C8B: variants seen among roughly 807,000 people sequenced by gnomAD.
The protein encoded by C8B is complement component C8 beta chain.
Under a neutral mutation model 64.6 loss-of-function variants are expected in C8B, and 67 were observed. The observed-to-expected ratio is 1.04, with a 90% CI of 0.85 to 1.27. The LOEUF (loss-of-function observed/expected upper bound fraction) is 1.27. Ranked by LOEUF, C8B falls within the 50% of genes most tolerant of loss-of-function variation. C8B has a pLI of 0.00. For missense variants in C8B, 790 were observed against 725.2 expected (o/e 1.09, Z -1.03); for synonymous variants, 284 against 257.7 (o/e 1.10, Z -0.98).
chr1:56,964,485 C>T (rs1363807954), intron 1 of C8B, among the ~76,000 whole-genome samples: 1 of 152,192 alleles, frequency 6.6e-6, no homozygotes, highest in Admixed American at 6.5e-5. Flanking sequence ...AGCCAGCTCT[C>T]TCACACTCAC....
rs114222929 is a variant in C8B at position 56,952,668 on chromosome 1, G to A, written c.534-488C>T. ...GTTGGGTAGCATAATAGATAAGTGC[G>A]TGGACTTTGGAGCCAGACGTCTGAG... On this transcript the variant is annotated intron_variant, in intron 4 of 11. Transcript: ENST00000371237. Among the ~76,000 whole-genome samples the A allele has an allele frequency of 1.5e-3, 236 of 152,262 alleles. 1 individual carries two copies. Among genetic ancestry groups the A allele is most frequent in the African/African-American group, 5.0e-3 (207 of 41,536 alleles).
chr1:56,955,370 T>C (rs1645087416), intron 3 of C8B, among the ~76,000 whole-genome samples: 1 of 152,196 alleles, frequency 6.6e-6, no homozygotes, highest in Non-Finnish European at 1.5e-5. Context: ...AATCACAAAT[T>C]CTTCCCACTA....
chr1:56,954,577 A>G (rs1203547850), intron 4 of C8B, 109 bp downstream of exon 4: 1 of 1,441,268 alleles, frequency 6.9e-7, no homozygotes, highest in Non-Finnish European at 9.7e-7. Flanking sequence ...CTTTTCTCAG[A>G]AAGGTGAGTG....
rs559352945 is a variant in C8B at position 56,959,881 on chromosome 1, G to A, written c.249+139C>T. 7.2e-4 allele frequency: 688 copies of A among 953,090 alleles called. 2 individuals are homozygous for A. In the African/African-American group the frequency reaches 0.01, roughly 14 times the overall value. The allele number at this position is 953,090 out of a possible 1,614,324, so 59.0% of individuals were successfully genotyped here. On this transcript the variant is annotated intron_variant, in intron 2 of 11. Coordinates refer to ENST00000371237, the MANE Select transcript of C8B (RefSeq NM_000066.4). ...TTATTGCTGCTTGGAAGCACAGAAG[G>A]AAAGGATGCATTTATTAAGTTAGCC...
chr1:56,956,973 A>G, intron 2 of C8B, 63 bp from the exon 3 acceptor site: 10 of 1,589,326 alleles, frequency 6.3e-6, no homozygotes, highest in Non-Finnish European at 8.6e-6. Context: ...GCTGAGGGAT[A>G]CTCTGTGTAA....
At position 56,963,868 on chromosome 1, in the gene C8B, T is replaced by C; in HGVS notation, c.92+1989A>G. On this transcript the variant is annotated intron_variant, in intron 1 of 11. Coordinates refer to ENST00000371237, the MANE Select transcript of C8B (RefSeq NM_000066.4). ...TTACGACACAGTGATTGTGATTTCA[T>C]CATCTGACTTGATTACAAGAGTAAG... 2.0e-6 allele frequency: 2 copies of C among 985,418 alleles called. 1 individual carries two copies. 61.0% of individuals were successfully genotyped at this position (985,418 alleles called of 1,614,324 possible).
At chr1:56,957,039 A>AT in intron 2 of C8B, 129 bp from the exon 3 acceptor site, 1 of 941,600 alleles carries the variant, frequency 1.1e-6, no homozygotes. Flanking sequence ...TCTGATCATC[A>AT]TTCCCCCAGC....
At chr1:56,958,863 C>T (rs1645137858) in intron 2 of C8B, among the ~76,000 whole-genome samples, 1 of 152,236 alleles carries the variant, frequency 6.6e-6, no homozygotes, top group African/African-American at 2.4e-5. Context: ...GGCTTACTTC[C>T]ACAGCCTCTT....
At chr1:56,962,810 T>C (rs1323680278) in intron 1 of C8B, among the ~76,000 whole-genome samples, 1 of 152,258 alleles carries the variant, frequency 6.6e-6, no homozygotes, top group African/African-American at 2.4e-5. Context: ...TTTTAGATAA[T>C]TTGATGTCTA....
chr1:56,934,014 A>G (rs1446220965), intron 9 of C8B, among the ~76,000 whole-genome samples: 2 of 152,330 alleles, frequency 1.3e-5, no homozygotes, highest in East Asian at 3.9e-4. Flanking sequence ...AGTCACTATC[A>G]GGAACCTTCC....
chr1:56,932,319 C>T (rs1644713661), intron 10 of C8B, among the ~76,000 whole-genome samples: 1 of 152,132 alleles, frequency 6.6e-6, no homozygotes, highest in Admixed American at 6.5e-5. Flanking sequence ...GGAAGTGATG[C>T]CCTATGTGAA....
Position 56,945,944 on chromosome 1 carries a change from A to G in C8B, c.982T>C (p.Tyr328His). 6.2e-7 allele frequency: 1 copy of G among 1,613,946 alleles called. No homozygotes were observed. The highest frequency in any genetic ancestry group is 8.5e-7 in the Non-Finnish European group (1 of 1,179,976). ...AGATCTCTGTATTCCCCGTAGCTGT[A>G]CTCCAGGGGCAGCCGCTTAACTCTC... ...LQRVKRLPLE[Y>H]SYGEYRDLFR... The change falls in exon 7 of 12, where the codon TAC (tyrosine) becomes CAC (histidine). Residue 328 changes from tyrosine to histidine, a missense_variant. By Grantham distance (83) the Tyr-to-His change is moderately conservative. Coordinates refer to ENST00000371237, the MANE Select transcript of C8B (RefSeq NM_000066.4).
intron 8 of C8B, among the ~76,000 whole-genome samples, chr1:56,941,509 CATAGATAGATAGATAGATAGATAG>C (rs200918831): frequency 8.1e-5 from 7 of 86,722 alleles, no homozygotes; most frequent in African/African-American, 2.6e-4. Flanking sequence ...TAGATAGATA[CATAGATAGATAGATAGATAGATAG>C]ATAGATAGAT....
At chr1:56,951,659 T>C (rs1645022287) in intron 5 of C8B, among the ~76,000 whole-genome samples, 1 of 152,192 alleles carries the variant, frequency 6.6e-6, no homozygotes, top group South Asian at 2.1e-4. Context: ...ACACATTATC[T>C]CACTAATCCT....
At chr1:56,957,049 C>A (rs563177630) in intron 2 of C8B, 139 bp from the exon 3 acceptor site, 8 of 865,914 alleles carry the variant, frequency 9.2e-6, no homozygotes, top group African/African-American at 5.0e-5. Context: ...ATTCCCCCAG[C>A]CCCTTGTGCT....
intron 5 of C8B, 151 bp downstream of exon 5, chr1:56,951,897 A>G (rs1387863860): frequency 1.4e-5 from 11 of 805,186 alleles, no homozygotes; most frequent in Admixed American, 2.0e-5. Context: ...TCTTCACCAC[A>G]ATGTCTGGAG....
chr1:56,959,582 A>G, intron 2 of C8B: 1 of 1,535,462 alleles, frequency 6.5e-7, no homozygotes, highest in Non-Finnish European at 8.7e-7. Flanking sequence ...AGAGTCATAC[A>G]AGTGTCCATT....
chr1:56,964,902 T>C (rs1645230358), intron 1 of C8B, among the ~76,000 whole-genome samples: 1 of 152,168 alleles, frequency 6.6e-6, no homozygotes, highest in Admixed American at 6.5e-5. Context: ...CTTGGCAGCT[T>C]AGTTATTCTC....
chr1:56,955,943 G>A (rs1350302068), intron 3 of C8B, among the ~76,000 whole-genome samples: 1 of 152,166 alleles, frequency 6.6e-6, no homozygotes, highest in East Asian at 1.9e-4. Flanking sequence ...TGAATGAATT[G>A]AAAAGTTGTG....
Sources: gnomAD v4.1 joint callset for allele counts (sites outside exome capture counted in the v4.1 genomes callset) on GRCh38, gnomAD v4.1.1 for gene constraint, MANE v1.5 for transcripts, NCBI Gene and HGNC (gene_info 2026-07-23, HGNC 2026-07-21) for gene names.